The following PHACTR4 variants were observed in gnomAD, a reference collection of about 807,000 sequenced individuals.
The protein encoded by PHACTR4 is phosphatase and actin regulator 4, also known as protein phosphatase 1, regulatory subunit 124.
A neutral mutation model predicts 72.7 loss-of-function variants in PHACTR4; 51 were observed. The observed-to-expected ratio is 0.70, with a 90% CI of 0.56 to 0.89. The LOEUF is 0.89. PHACTR4 is among the 40% of genes least tolerant of loss of function. The probability of loss-of-function intolerance (pLI) is 0.00; values close to 1 mark genes in which losing one functional copy is unlikely to be tolerated. For synonymous variants in PHACTR4, 255 were observed against 302.5 expected (o/e 0.84, Z 1.63); for missense variants, 731 against 861.8 (o/e 0.85, Z 1.90).
chr1:28,449,194 C>T (rs1054704113), intron 2 of PHACTR4, among the ~76,000 whole-genome samples: 7 of 151,910 alleles, frequency 4.6e-5, no homozygotes, highest in African/African-American at 1.5e-4. Context: ...TGCAGTGGTG[C>T]ACCCCTAGAG....
chr1:28,493,306 G>A (rs1661151068), intron 13 of PHACTR4, among the ~76,000 whole-genome samples: 1 of 152,178 alleles, frequency 6.6e-6, no homozygotes, highest in Admixed American at 6.6e-5. Flanking sequence ...GGGAGGCTGA[G>A]GCAGGTGGAT....
intron 1 of PHACTR4, among the ~76,000 whole-genome samples, chr1:28,392,509 C>T (rs1302200268): frequency 6.6e-6 from 1 of 151,710 alleles, no homozygotes; most frequent in East Asian, 1.9e-4. Flanking sequence ...CTCAAACAAT[C>T]CTTGCACCTC....
intron 1 of PHACTR4, among the ~76,000 whole-genome samples, chr1:28,371,873 T>C (rs189822095): frequency 1.3e-5 from 2 of 152,116 alleles, no homozygotes; most frequent in Non-Finnish European, 2.9e-5. Flanking sequence ...GTATTAAACC[T>C]TAAGATAAAG....
rs114483686 is a variant in PHACTR4, at chr1:28,415,453, G to A, written c.16+7990G>A. On this transcript the variant is annotated intron_variant, in intron 2 of 13. Transcript: ENST00000373839. ...TCCTCCCTTTTCAACTGCTTATGGA[G>A]TTAACAGTCATTCTCCCAAGAGCAT... Among the ~76,000 whole-genome samples, 754 of 152,212 alleles carry A rather than the reference G, an allele frequency of 5.0e-3. 5 individuals carry two copies. The highest frequency in any genetic ancestry group is 0.017 in the African/African-American group (706 of 41,524).
intron 2 of PHACTR4, chr1:28,438,269 G>A: frequency 6.8e-7 from 1 of 1,460,410 alleles, no homozygotes; most frequent in East Asian, 2.7e-5. Flanking sequence ...CTGATGTTTG[G>A]CAGTGACACT....
chr1:28,488,421 C>T (rs1031889912), intron 9 of PHACTR4, among the ~76,000 whole-genome samples: 5 of 152,128 alleles, frequency 3.3e-5, no homozygotes, highest in Non-Finnish European at 5.9e-5. Flanking sequence ...GTCATGAACC[C>T]GGGAGGCGGA....
At chr1:28,441,907 G>A (rs555275227) in intron 2 of PHACTR4, among the ~76,000 whole-genome samples, 1 of 152,264 alleles carries the variant, frequency 6.6e-6, no homozygotes, top group South Asian at 2.1e-4. Context: ...TGGGAGGATC[G>A]CTTGAGCCTG....
At chr1:28,372,603 G>A (rs1411381498) in intron 1 of PHACTR4, among the ~76,000 whole-genome samples, 2 of 152,094 alleles carry the variant, frequency 1.3e-5, no homozygotes, top group Non-Finnish European at 2.9e-5. Flanking sequence ...TGTAATCCCA[G>A]CACTTTGGGA....
chr1:28,489,362 C>T (rs1660897800), intron 10 of PHACTR4, 137 bp downstream of exon 10: 2 of 667,712 alleles, frequency 3.0e-6, no homozygotes, highest in Non-Finnish European at 5.0e-6. Context: ...CTATTTATTT[C>T]CCCATGAAGG....
intron 2 of PHACTR4, 48 bp downstream of exon 2, chr1:28,407,511 C>T (rs1654437308): frequency 2.0e-6 from 3 of 1,526,090 alleles, no homozygotes; most frequent in Middle Eastern, 1.7e-4. Flanking sequence ...TCTGTTTTAT[C>T]CTCACCTCCA....
chr1:28,377,764 G>A (rs920590565), intron 1 of PHACTR4, among the ~76,000 whole-genome samples: 1 of 151,238 alleles, frequency 6.6e-6, no homozygotes, highest in Non-Finnish European at 1.5e-5. Context: ...CTGGAAGGTT[G>A]AGGCTGCAGT....
chr1:28,419,041 A>ACTTTTTTTTTTTTTTTTTT (rs1655312887), intron 2 of PHACTR4, among the ~76,000 whole-genome samples: 1 of 148,776 alleles, frequency 6.7e-6, no homozygotes, highest in African/African-American at 2.5e-5. Context: ...TACTTTTATG[A>ACTTTTTTTTTTTTTTTTTT]TTTTTTTCTA....
chr1:28,483,059 C>G (rs1444514330), intron 9 of PHACTR4, among the ~76,000 whole-genome samples: 2 of 151,784 alleles, frequency 1.3e-5, no homozygotes, highest in Non-Finnish European at 2.9e-5. Flanking sequence ...AATTTCTTTA[C>G]TTAAACATAA....
chr1:28,406,564 C>G (rs1264562066), intron 1 of PHACTR4, among the ~76,000 whole-genome samples: 1 of 152,152 alleles, frequency 6.6e-6, no homozygotes, highest in Non-Finnish European at 1.5e-5. Context: ...GTACGAGTAG[C>G]CCATGAGCCA....
intron 1 of PHACTR4, among the ~76,000 whole-genome samples, chr1:28,371,254 A>G (rs1230094312): frequency 1.3e-5 from 2 of 152,168 alleles, no homozygotes; most frequent in African/African-American, 2.4e-5. Flanking sequence ...CTGGGACTAG[A>G]GGCATGAGCC....
At chr1:28,478,340 TA>T (rs1197823298) in intron 8 of PHACTR4, among the ~76,000 whole-genome samples, 8 of 152,368 alleles carry the variant, frequency 5.3e-5, no homozygotes, top group African/African-American at 1.9e-4. Flanking sequence ...TTGGGGATTA[TA>T]AATAGTACTG....
chr1:28,395,692 T>A (rs960016290), intron 1 of PHACTR4, among the ~76,000 whole-genome samples: 5 of 146,336 alleles, frequency 3.4e-5, no homozygotes, highest in African/African-American at 1.3e-4. Flanking sequence ...CAGGCTGGAG[T>A]GCAATGGCAC....
chr1:28,478,606 TTTTG>T (rs960111810), intron 8 of PHACTR4, among the ~76,000 whole-genome samples: 3 of 150,710 alleles, frequency 2.0e-5, no homozygotes, highest in African/African-American at 7.4e-5. Flanking sequence ...TCATTTTAGT[TTTTG>T]TTTTTGTTTT....
intron 2 of PHACTR4, among the ~76,000 whole-genome samples, chr1:28,413,145 T>G (rs111465163): frequency 1.1e-4 from 16 of 152,292 alleles, no homozygotes; most frequent in African/African-American, 3.6e-4. Context: ...TTAAAGAAAC[T>G]TTTGTGGAGC....
Sources: gnomAD v4.1 joint callset for allele counts (sites outside exome capture counted in the v4.1 genomes callset) on GRCh38, gnomAD v4.1.1 for gene constraint, MANE v1.5 for transcripts, NCBI Gene and HGNC (gene_info 2026-07-23, HGNC 2026-07-21) for gene names.